ZZEF1: variants seen among roughly 807,000 people sequenced by gnomAD.
ZZEF1 encodes the protein zinc finger ZZ-type and EF-hand domain containing 1, also known as zinc finger ZZ-type and EF-hand domain-containing protein 1.
Under a neutral mutation model 342.8 loss-of-function variants are expected in ZZEF1, and 157 were observed. The observed-to-expected ratio is 0.46, with a 90% confidence interval of 0.40 to 0.52. ZZEF1 has a LOEUF of 0.52. ZZEF1 is among the 20% of genes least tolerant of loss of function. The pLI is 0.00. For missense variants in ZZEF1, 3,480 were observed against 3,725.6 expected (o/e 0.93, Z 1.72); for synonymous variants, 1,505 against 1,429.1 (o/e 1.05, Z -1.20).
intron 52 of ZZEF1, among the ~76,000 whole-genome samples, chr17:4,011,171 G>T (rs1024042650): frequency 6.6e-6 from 1 of 152,132 alleles, no homozygotes; most frequent in Non-Finnish European, 1.5e-5. Context: ...GGAGGCTAAG[G>T]TGGGGGGATT....
rs773950125 is a variant in ZZEF1 at position 4,064,592 on chromosome 17, T to C, written c.4487A>G (p.Lys1496Arg). ...DQSPGLGTQPKLPSSSGLPAA... is the reference protein window; with the variant it reads ...DQSPGLGTQPRLPSSSGLPAA... ...AGGAAGGCCACTGCTGGATGGCAGC[T>C]TTGGCTGGGTGCCCAGGCCAGGACT... Residue 1496 changes from lysine (K) to arginine (R), a missense_variant, in exon 29 of 55, where the codon AAG becomes AGG. Physicochemically the swap from Lys to Arg is conservative, Grantham distance 26. Transcript: ENST00000381638. 1.9e-6 allele frequency: 3 copies of C among 1,614,094 alleles called. No individual in the cohort carries two copies. The highest frequency in any genetic ancestry group is 2.5e-6 in the Non-Finnish European group (3 of 1,180,002).
At chr17:4,019,565 G>C (rs927599592) in intron 46 of ZZEF1, 104 bp downstream of exon 46, 1 of 1,021,436 alleles carries the variant, frequency 9.8e-7, no homozygotes, top group Non-Finnish European at 1.5e-6. Flanking sequence ...CCGGCCTGTC[G>C]GAGCGTCGAT....
Position 4,014,575 on chromosome 17 carries a change from C to A in ZZEF1, c.8146-60G>T. ...GCTGCTCACTAGACACTGACTGCAGCTGTCCCATGCCGAGTCCTGTGGCTG... is the reference window on the plus strand; with the variant it reads ...GCTGCTCACTAGACACTGACTGCAGATGTCCCATGCCGAGTCCTGTGGCTG... On this transcript the variant is annotated intron_variant, in intron 49 of 54. Coordinates refer to ENST00000381638, the MANE Select transcript of ZZEF1 (RefSeq NM_015113.4). The surrounding 1 kb of genome is among the most constrained non-coding windows in gnomAD (Gnocchi z 4.4). 6.4e-7 allele frequency: 1 copy of A among 1,573,238 alleles called. No homozygotes were observed. Among genetic ancestry groups the A allele is most frequent in the Non-Finnish European group, 8.7e-7 (1 of 1,147,658 alleles).
At chr17:4,142,510 C>T in intron 1 of ZZEF1, 32 bp downstream of exon 1, 1 of 1,585,850 alleles carries the variant, frequency 6.3e-7, no homozygotes, top group Non-Finnish European at 8.5e-7. Flanking sequence ...GACCGCCCTG[C>T]CCCATCCCCG....
At chr17:4,018,435 T>G (rs868529598) in intron 46 of ZZEF1, among the ~76,000 whole-genome samples, 3 of 152,060 alleles carry the variant, frequency 2.0e-5, no homozygotes, top group African/African-American at 4.8e-5. Context: ...TCCTTTTTTT[T>G]TTAAATTTAA....
chr17:4,124,181 T>C (rs1201934914), intron 1 of ZZEF1, 130 bp from the exon 2 acceptor site: 13 of 1,155,852 alleles, frequency 1.1e-5, no homozygotes, highest in African/African-American at 1.6e-5. Context: ...AGAGTCCATA[T>C]GTATCAACCA....
intron 26 of ZZEF1, among the ~76,000 whole-genome samples, chr17:4,069,023 T>C (rs1597843732): frequency 6.6e-6 from 1 of 152,186 alleles, no homozygotes; most frequent in South Asian, 2.1e-4. Flanking sequence ...AAACCAATAA[T>C]GGCAGGCATT....
intron 11 of ZZEF1, among the ~76,000 whole-genome samples, chr17:4,095,619 T>G (rs1307028861): frequency 6.6e-6 from 1 of 152,206 alleles, no homozygotes; most frequent in Non-Finnish European, 1.5e-5. Flanking sequence ...CAAAAGGGAC[T>G]GAGTAACATG....
intron 42 of ZZEF1, among the ~76,000 whole-genome samples, chr17:4,025,630 C>G (rs2056385364): frequency 1.3e-5 from 2 of 149,834 alleles, no homozygotes. Context: ...TGCGGTGAGC[C>G]AAGATCATGC....
intron 30 of ZZEF1, among the ~76,000 whole-genome samples, chr17:4,060,803 C>T (rs140708944): frequency 2.6e-5 from 4 of 152,312 alleles, no homozygotes; most frequent in African/African-American, 9.6e-5. Flanking sequence ...TACCAGCCAA[C>T]TTGTGGACAC....
chr17:4,120,225 C>T (rs933346559), intron 2 of ZZEF1, among the ~76,000 whole-genome samples: 9 of 152,052 alleles, frequency 5.9e-5, no homozygotes, highest in Non-Finnish European at 4.4e-5. Flanking sequence ...GGCGCGGTGG[C>T]GGGTGCCTGT....
At chr17:4,071,199 G>C (rs1248776192) in intron 25 of ZZEF1, 5 of 357,698 alleles carry the variant, frequency 1.4e-5, no homozygotes, top group Non-Finnish European at 1.5e-5. Flanking sequence ...ATTCAAAGGA[G>C]AGAGATCCTG....
intron 1 of ZZEF1, among the ~76,000 whole-genome samples, chr17:4,138,046 G>A (rs2058782156): frequency 6.6e-6 from 1 of 152,182 alleles, no homozygotes. Context: ...CATCCCACTA[G>A]CTAGCACAGG....
At chr17:4,132,953 G>C (rs181542509) in intron 1 of ZZEF1, among the ~76,000 whole-genome samples, 2 of 150,820 alleles carry the variant, frequency 1.3e-5, no homozygotes, top group Admixed American at 6.6e-5. Context: ...GCGACAGAGC[G>C]AGACTCCATC....
At chr17:4,129,663 C>T (rs2058633013) in intron 1 of ZZEF1, among the ~76,000 whole-genome samples, 1 of 152,012 alleles carries the variant, frequency 6.6e-6, no homozygotes, top group African/African-American at 2.4e-5. Flanking sequence ...ATGGTGAAAC[C>T]CCATCTCTAC....
Position 4,014,039 on chromosome 17 carries a change from G to T in ZZEF1, c.8413+51C>A. On this transcript the variant is annotated intron_variant, in intron 51 of 54. Transcript: ENST00000381638. This position sits in a 1 kb window ranked among gnomAD's most constrained non-coding sequence, Gnocchi z 4.4. ...GTGACATCATGGCACCCACAGCCAT[G>T]GAGTGTCCCTGGCAGGCAGATGGTG... 6.5e-7 allele frequency: 1 copy of T among 1,539,562 alleles called. No homozygotes were observed. The highest frequency in any genetic ancestry group is 1.1e-5 in the South Asian group (1 of 89,268).
chr17:4,024,884 C>T, intron 43 of ZZEF1, 35 bp downstream of exon 43: 1 of 1,600,550 alleles, frequency 6.2e-7, no homozygotes, highest in Non-Finnish European at 8.6e-7. Flanking sequence ...AAATTATAGC[C>T]AGATCCACTG....
intron 23 of ZZEF1, 95 bp downstream of exon 23, chr17:4,075,002 C>T: frequency 1.7e-6 from 2 of 1,204,846 alleles, no homozygotes; most frequent in Non-Finnish European, 2.4e-6. Context: ...TAAATGCCTC[C>T]CTTCAAAGAC....
chr17:4,095,712 C>A (rs141529290), intron 11 of ZZEF1, 119 bp downstream of exon 11: 138 of 1,072,376 alleles, frequency 1.3e-4, no homozygotes, highest in Non-Finnish European at 1.7e-4. Flanking sequence ...GGATTAGTGG[C>A]GCCTTTTCTA....
Sources: allele counts gnomAD v4.1 joint callset (sites outside exome capture counted in the v4.1 genomes callset), GRCh38; gene constraint gnomAD v4.1.1; non-coding constraint Gnocchi (gnomAD v3.1); transcripts MANE v1.5; gene names NCBI Gene and HGNC (gene_info 2026-07-23, HGNC 2026-07-21).